Variants in ZNF536 observed in about 807,000 individuals in gnomAD.
The protein encoded by ZNF536 is zinc finger protein 536.
Under a neutral mutation model 84.5 loss-of-function variants are expected in ZNF536, and 13 were observed. The ratio of observed to expected loss-of-function variants is 0.15; its 90% CI spans 0.10 to 0.24. ZNF536 has a LOEUF of 0.24. Among genes scored for constraint, ZNF536 ranks in the 10% least tolerant of loss-of-function variants. The probability of loss-of-function intolerance (pLI) is 1.00; values close to 1 mark genes in which losing one functional copy is unlikely to be tolerated. For synonymous variants in ZNF536, 811 were observed against 742.5 expected, an observed-to-expected ratio of 1.09 and a Z score of -1.50; for missense variants, 1,536 against 1,747.5, an observed-to-expected ratio of 0.88 and a Z score of 2.16.
intron 1 of ZNF536, among the ~76,000 whole-genome samples, chr19:30,647,365 G>A (rs1178267075): frequency 6.6e-6 from 1 of 152,140 alleles, no homozygotes; most frequent in African/African-American, 2.4e-5. Flanking sequence ...TTCCCTGGGT[G>A]TTTTTAAAAG....
chr19:30,236,730 G>A (rs1210796019), intron 1 of ZNF536, among the ~76,000 whole-genome samples: 1 of 152,150 alleles, frequency 6.6e-6, no homozygotes, highest in Non-Finnish European at 1.5e-5. Context: ...CAAACGATTA[G>A]CTCAGCCAGG....
chr19:30,583,808 G>A (rs78180449), intron 1 of ZNF536, among the ~76,000 whole-genome samples: 2,428 of 152,282 alleles, frequency 0.016, 52 homozygotes, highest in South Asian at 0.07. Context: ...ATGAATGGAT[G>A]AACAAATGAA....
intron 2 of ZNF536, among the ~76,000 whole-genome samples, chr19:30,480,530 A>G (rs2054032969): frequency 6.6e-6 from 1 of 152,064 alleles, no homozygotes; most frequent in Non-Finnish European, 1.5e-5. Flanking sequence ...GGGGAACATC[A>G]CACACCGGGG....
chr19:30,572,559 T>C (rs747455689), intron 1 of ZNF536, among the ~76,000 whole-genome samples: 5 of 152,184 alleles, frequency 3.3e-5, no homozygotes, highest in Non-Finnish European at 7.4e-5. Flanking sequence ...GATTCCATCA[T>C]GGGGAAGGTG....
chr19:30,410,463 G>GTTTT (rs1165876265), intron 1 of ZNF536, among the ~76,000 whole-genome samples: 16 of 94,666 alleles, frequency 1.7e-4, no homozygotes, highest in African/African-American at 7.9e-4. Flanking sequence ...AAAAGTGAAG[G>GTTTT]TCTTTTTTTT....
Position 30,678,390 on chromosome 19 carries a change from G to A in ZNF536, c.170-32367G>A, listed in dbSNP as rs569181755. ...ATATCGGTGAGAGGCTCCAGGAGCCGAGTGCAGAGCCGATCCAGCCCAGCC... is the reference window on the plus strand; with the variant it reads ...ATATCGGTGAGAGGCTCCAGGAGCCAAGTGCAGAGCCGATCCAGCCCAGCC... On this transcript the variant is annotated intron_variant, in intron 1 of 1. Transcript: ENST00000592773. 4.6e-5 allele frequency among the ~76,000 whole-genome samples: 7 copies of A among 152,254 alleles called. 1 individual carries two copies. The East Asian group carries it at 1.4e-3, about 29-fold the overall frequency.
At chr19:30,499,464 C>T (rs1225809641) in intron 2 of ZNF536, among the ~76,000 whole-genome samples, 1 of 151,996 alleles carries the variant, frequency 6.6e-6, no homozygotes, top group Non-Finnish European at 1.5e-5. Context: ...ATCTATGTAT[C>T]TGTGTATGTA....
At chr19:30,293,164 C>T (rs1031944704) in intron 2 of ZNF536, among the ~76,000 whole-genome samples, 1 of 152,102 alleles carries the variant, frequency 6.6e-6, no homozygotes, top group Non-Finnish European at 1.5e-5. Flanking sequence ...CCTTTTGCCT[C>T]TCGGGCTCTG....
At chr19:30,416,161 CT>C (rs1568407579) in intron 1 of ZNF536, among the ~76,000 whole-genome samples, 1 of 152,132 alleles carries the variant, frequency 6.6e-6, no homozygotes, top group Admixed American at 6.5e-5. Context: ...ATTTCCAACA[CT>C]TTTTTGTCTT....
chr19:30,523,537 T>A (rs1193969203), intron 2 of ZNF536, among the ~76,000 whole-genome samples: 1 of 152,120 alleles, frequency 6.6e-6, no homozygotes, highest in Non-Finnish European at 1.5e-5. Context: ...TCTGTCAGAT[T>A]TAGCTCTGGA....
chr19:30,550,645 G>T (rs960689261), intron 4 of ZNF536, among the ~76,000 whole-genome samples: 4 of 151,924 alleles, frequency 2.6e-5, no homozygotes, highest in South Asian at 2.1e-4. Flanking sequence ...GGGAAGGAAG[G>T]GGGGGAAATA....
intron 2 of ZNF536, among the ~76,000 whole-genome samples, chr19:30,342,072 C>T (rs2047581981): frequency 6.6e-6 from 1 of 152,190 alleles, no homozygotes; most frequent in Non-Finnish European, 1.5e-5. Context: ...CCTCTTCTGT[C>T]TTCTCTTTGT....
At chr19:30,590,797 T>C (rs2047250712) in intron 1 of ZNF536, among the ~76,000 whole-genome samples, 1 of 152,222 alleles carries the variant, frequency 6.6e-6, no homozygotes. Flanking sequence ...CTTCCAGTTC[T>C]GGTGTTTGTT....
At chr19:30,349,409 T>C (rs1173687599) in intron 2 of ZNF536, among the ~76,000 whole-genome samples, 7 of 152,168 alleles carry the variant, frequency 4.6e-5, no homozygotes, top group Non-Finnish European at 7.4e-5. Flanking sequence ...TGTTCCTGCC[T>C]TCCTTATACT....
intron 1 of ZNF536, among the ~76,000 whole-genome samples, chr19:30,414,446 T>C (rs2050628111): frequency 6.6e-6 from 1 of 152,238 alleles, no homozygotes; most frequent in Admixed American, 6.5e-5. Context: ...AAGTTTTCTC[T>C]CTTTTATTGC....
intron 1 of ZNF536, among the ~76,000 whole-genome samples, chr19:30,615,307 G>T (rs1036956845): frequency 3.2e-4 from 48 of 152,000 alleles, no homozygotes; most frequent in African/African-American, 1.1e-3. Context: ...AGTGAATTAG[G>T]GTTCCAGTTT....
intron 1 of ZNF536, among the ~76,000 whole-genome samples, chr19:30,572,497 G>A (rs750480429): frequency 6.6e-6 from 1 of 152,188 alleles, no homozygotes; most frequent in Non-Finnish European, 1.5e-5. Flanking sequence ...CAGCAGCCTT[G>A]TCCTGGGGAA....
At chr19:30,383,931 T>TCCCC in intron 1 of ZNF536, among the ~76,000 whole-genome samples, 1 of 42,972 alleles carries the variant, frequency 2.3e-5, no homozygotes, top group African/African-American at 8.9e-5. Context: ...TTCCCTTCCC[T>TCCCC]TCCCTTCCCT....
At chr19:30,466,372 T>C (rs963895203) in intron 2 of ZNF536, among the ~76,000 whole-genome samples, 3 of 133,946 alleles carry the variant, frequency 2.2e-5, no homozygotes, top group Admixed American at 1.4e-4. Context: ...CGAAACTCCA[T>C]TGCTGCAAAA....
Sources: allele counts gnomAD v4.1 joint callset (sites outside exome capture counted in the v4.1 genomes callset), GRCh38; gene constraint gnomAD v4.1.1; transcripts MANE v1.5; gene names NCBI Gene and HGNC (gene_info 2026-07-23, HGNC 2026-07-21).